Variants in ARHGEF33 observed in about 807,000 individuals in gnomAD.
The protein encoded by ARHGEF33 is Rho guanine nucleotide exchange factor 33, also known as DH and coiled-coil domain-containing protein ENSP00000381780.
ARHGEF33 carries 72 observed loss-of-function variants against 101.9 expected under a neutral mutation model. The ratio of observed to expected loss-of-function variants is 0.71; its 90% confidence interval spans 0.58 to 0.86. The LOEUF (loss-of-function observed/expected upper bound fraction) is 0.86. ARHGEF33 is among the 40% of genes least tolerant of loss of function. The pLI is 0.00. For synonymous variants in ARHGEF33, 499 were observed against 442.5 expected (o/e 1.13, Z -1.60); for missense variants, 1,169 against 1,111.3 (o/e 1.05, Z -0.74).
At chr2:38,910,122 G>A (rs184119346) in intron 2 of ARHGEF33, among the ~76,000 whole-genome samples, 145 of 152,216 alleles carry the variant, frequency 9.5e-4, no homozygotes, top group African/African-American at 3.4e-3. Context: ...GTGATATTAT[G>A]CTGAATCATT....
In ARHGEF33 at chr2:38,931,265, A is replaced by G. The variant is rs1666996951; in HGVS notation, c.505+14A>G. On this transcript the variant is annotated intron_variant, in intron 7 of 17. Coordinates refer to ENST00000409978, the MANE Select transcript of ARHGEF33 (RefSeq NM_001145451.5). Reference sequence around the variant, plus strand: ...CCTACGAGAAAGGTACAGTTCACAAATCATACTGAATTAATCAAGTATTTT... The same window carrying G: ...CCTACGAGAAAGGTACAGTTCACAAGTCATACTGAATTAATCAAGTATTTT... The G allele has an allele frequency of 6.5e-7, 1 of 1,537,268 alleles. No individual in the cohort carries two copies. Among genetic ancestry groups the G allele is most frequent in the Non-Finnish European group, 8.8e-7 (1 of 1,142,500 alleles).
chr2:38,897,499 T>C (rs1025853108), intron 2 of ARHGEF33, among the ~76,000 whole-genome samples: 3 of 152,220 alleles, frequency 2.0e-5, no homozygotes, highest in African/African-American at 7.2e-5. Context: ...GGACTCATAA[T>C]CTAGTGCAGT....
intron 4 of ARHGEF33, 64 bp from the exon 5 acceptor site, chr2:38,928,843 G>A: frequency 7.1e-7 from 1 of 1,406,676 alleles, no homozygotes; most frequent in Non-Finnish European, 9.5e-7. Flanking sequence ...AAAAATTCAA[G>A]GTCCAATGGT....
At chr2:38,920,271 C>T (rs943273951) in intron 3 of ARHGEF33, among the ~76,000 whole-genome samples, 3 of 152,046 alleles carry the variant, frequency 2.0e-5, no homozygotes, top group Non-Finnish European at 4.4e-5. Context: ...GGATAAGCAA[C>T]GAGCTGAATG....
intron 2 of ARHGEF33, among the ~76,000 whole-genome samples, chr2:38,907,091 AG>A (rs1434487205): frequency 6.6e-6 from 1 of 152,174 alleles, no homozygotes; most frequent in Non-Finnish European, 1.5e-5. Flanking sequence ...CAGAGAGCAG[AG>A]GGTTGTAGGA....
chr2:38,941,552 C>CT (rs532096844), intron 9 of ARHGEF33, among the ~76,000 whole-genome samples: 5,744 of 144,232 alleles, frequency 0.04, 115 homozygotes, highest in Admixed American at 0.046. Context: ...TTTTCTTTTT[C>CT]TTTTTTTTTT....
At chr2:38,924,325 C>G (rs1281298269) in intron 4 of ARHGEF33, among the ~76,000 whole-genome samples, 1 of 152,064 alleles carries the variant, frequency 6.6e-6, no homozygotes, top group African/African-American at 2.4e-5. Flanking sequence ...TCCTTTTTCT[C>G]TTATCCTTTG....
intron 4 of ARHGEF33, among the ~76,000 whole-genome samples, chr2:38,925,426 G>A (rs1253688966): frequency 4.6e-5 from 7 of 152,256 alleles, no homozygotes; most frequent in African/African-American, 1.7e-4. Context: ...ATGTTCTTCT[G>A]ATACTAGAGA....
Position 38,929,052 on chromosome 2 carries a change from A to G in ARHGEF33, c.221A>G (p.Asn74Ser). ...GAAGAAAAAGTTACTGAGATGAAGA[A>G]TTCATTAAACTATTTCAAGGTAGGC... ...SMEEKVTEMK[N>S]SLNYFKEELS... The change falls in exon 5 of 18, where the codon AAT becomes AGT. Residue 74 changes from asparagine to serine, a missense_variant. Transcript: ENST00000409978. 4 of 1,550,550 alleles carry G rather than the reference A, an allele frequency of 2.6e-6. No homozygotes were observed. The highest frequency in any genetic ancestry group is 3.5e-6 in the Non-Finnish European group (4 of 1,146,420).
intron 16 of ARHGEF33, among the ~76,000 whole-genome samples, chr2:38,963,905 G>T (rs976385188): frequency 7.9e-5 from 12 of 152,152 alleles, no homozygotes; most frequent in African/African-American, 1.2e-4. Flanking sequence ...GACTGCGGAG[G>T]GGGAGGTGGT....
At chr2:38,957,740 C>T (rs1387550892) in intron 14 of ARHGEF33, among the ~76,000 whole-genome samples, 2 of 152,066 alleles carry the variant, frequency 1.3e-5, no homozygotes, top group African/African-American at 4.8e-5. Flanking sequence ...CTGTGGAAGC[C>T]GCAGACCAGA....
intron 11 of ARHGEF33, among the ~76,000 whole-genome samples, chr2:38,951,670 CAAAT>C (rs969957305): frequency 2.0e-5 from 3 of 151,354 alleles, no homozygotes; most frequent in Non-Finnish European, 2.9e-5. Context: ...TATATATACA[CAAAT>C]ATATATGCAT....
Position 38,928,288 on chromosome 2 carries a change from TC to T in ARHGEF33, c.76-617del, listed in dbSNP as rs931699301. Among the ~76,000 whole-genome samples the T allele has an allele frequency of 1.1e-4, 17 of 152,258 alleles. No individual in the cohort carries two copies. In the South Asian group the frequency reaches 2.1e-3, roughly 19 times the overall value. On this transcript the variant is annotated intron_variant, in intron 4 of 17. Coordinates refer to ENST00000409978, the MANE Select transcript of ARHGEF33 (RefSeq NM_001145451.5). ...TATCACCATCAACAATATTCTGAGC[TC>T]CTACCATACCCTACCAGATATTTCT...
chr2:38,892,579 C>A (rs1047830415), intron 1 of ARHGEF33, among the ~76,000 whole-genome samples: 1 of 152,070 alleles, frequency 6.6e-6, no homozygotes, highest in African/African-American at 2.4e-5. Flanking sequence ...GTCAGTGCAC[C>A]CCCAATTGAC....
At chr2:38,891,089 A>G (rs1419969520) in intron 1 of ARHGEF33, among the ~76,000 whole-genome samples, 4 of 150,758 alleles carry the variant, frequency 2.7e-5, no homozygotes, top group African/African-American at 9.8e-5. Flanking sequence ...GCACACCACC[A>G]CACCCGGCTA....
chr2:38,949,971 A>T (rs2124410792), intron 10 of ARHGEF33, among the ~76,000 whole-genome samples: 1 of 152,290 alleles, frequency 6.6e-6, no homozygotes, highest in African/African-American at 2.4e-5. Flanking sequence ...AGCAAAAGGG[A>T]TGGTGCTAAA....
chr2:38,945,940 C>A (rs999810408), intron 10 of ARHGEF33, among the ~76,000 whole-genome samples: 2 of 152,186 alleles, frequency 1.3e-5, no homozygotes, highest in Admixed American at 6.5e-5. Flanking sequence ...GCCTGCCGGA[C>A]CCTGTAGTGT....
chr2:38,908,377 G>A (rs1364021605), intron 2 of ARHGEF33, among the ~76,000 whole-genome samples: 1 of 152,166 alleles, frequency 6.6e-6, no homozygotes, highest in African/African-American at 2.4e-5. Context: ...AGAGCCCCTG[G>A]AAGTGACTTT....
intron 2 of ARHGEF33, among the ~76,000 whole-genome samples, chr2:38,917,044 C>T (rs1212729269): frequency 6.6e-6 from 1 of 151,386 alleles, no homozygotes; most frequent in East Asian, 1.9e-4. Context: ...AGGTGATCCA[C>T]CCACCTTGGC....
Sources: gnomAD v4.1 joint callset for allele counts (sites outside exome capture counted in the v4.1 genomes callset) on GRCh38, gnomAD v4.1.1 for gene constraint, MANE v1.5 for transcripts, NCBI Gene and HGNC (gene_info 2026-07-23, HGNC 2026-07-21) for gene names.